CDC42SE2: variants seen among roughly 807,000 people sequenced by gnomAD.
CDC42SE2 encodes the protein CDC42 small effector protein 2.
CDC42SE2 carries 3 observed loss-of-function variants against 11.5 expected under a neutral mutation model. That is an observed-to-expected ratio of 0.26 (90% CI 0.12 to 0.67). The LOEUF (loss-of-function observed/expected upper bound fraction) is 0.67, where lower values mean the gene tolerates loss of function less well. CDC42SE2 is among the 30% of genes least tolerant of loss of function. The probability of loss-of-function intolerance (pLI) is 0.80; values close to 1 mark genes in which losing one functional copy is unlikely to be tolerated. For synonymous variants in CDC42SE2, 33 were observed against 34.8 expected, an observed-to-expected ratio of 0.95 and a Z score of 0.18; for missense variants, 82 against 106.8, an observed-to-expected ratio of 0.77 and a Z score of 1.02.
intron 3 of CDC42SE2, among the ~76,000 whole-genome samples, chr5:131,380,895 C>T (rs1289606081): frequency 1.3e-5 from 2 of 152,212 alleles, no homozygotes; most frequent in African/African-American, 4.8e-5. Context: ...CCTCAGTCCC[C>T]TGCAGCGTGT....
intron 1 of CDC42SE2, among the ~76,000 whole-genome samples, chr5:131,269,043 C>T (rs556829179): frequency 6.6e-6 from 1 of 152,246 alleles, no homozygotes; most frequent in Admixed American, 6.5e-5. Context: ...GCCACCGTGC[C>T]AGGCGAGGAA....
intron 2 of CDC42SE2, among the ~76,000 whole-genome samples, chr5:131,332,345 A>G (rs1758439310): frequency 6.6e-6 from 1 of 152,058 alleles, no homozygotes; most frequent in African/African-American, 2.4e-5. Flanking sequence ...TATGTGCCAC[A>G]TTTTCTTAAT....
At chr5:131,316,968 A>C (rs779180721) in intron 2 of CDC42SE2, among the ~76,000 whole-genome samples, 2 of 152,204 alleles carry the variant, frequency 1.3e-5, no homozygotes, top group Non-Finnish European at 2.9e-5. Flanking sequence ...TACAAGCTTT[A>C]TGAAGTCAAG....
chr5:131,386,107 T>G (rs1406635461), intron 4 of CDC42SE2, among the ~76,000 whole-genome samples: 2 of 152,266 alleles, frequency 1.3e-5, no homozygotes, highest in Non-Finnish European at 2.9e-5. Flanking sequence ...GGGACCAGTT[T>G]CGTGGAAGAC....
chr5:131,295,292 CAAACCAAAACAAA>C lies in CDC42SE2; in HGVS notation c.-454-20671_-454-20659del, dbSNP rs1370739795. 1.3e-4 allele frequency among the ~76,000 whole-genome samples: 20 copies of C among 150,894 alleles called. No individual in the cohort carries two copies. In the East Asian group the frequency reaches 2.9e-3, roughly 22 times the overall value. The stretch of plus-strand genomic sequence containing the variant: ...ATTGAGACTTTGAAAAAAAAAAAAC[CAAACCAAAACAAA>C]AAACCAAAACAACAAAAAAAGATAG... On this transcript the variant is annotated intron_variant, in intron 1 of 4. Coordinates refer to ENST00000505065, the MANE Select transcript of CDC42SE2 (RefSeq NM_001375635.1).
At chr5:131,230,712 G>A in the CDC42SE2 span, among the ~76,000 whole-genome samples, 25 of 152,284 alleles carry the variant, frequency 1.6e-4, no homozygotes, top group African/African-American at 3.6e-4. Context: ...GAAAGAAACC[G>A]AAAACTAAAA....
intron 3 of CDC42SE2, among the ~76,000 whole-genome samples, chr5:131,369,085 A>G (rs551518232): frequency 3.9e-5 from 6 of 152,134 alleles, no homozygotes; most frequent in Non-Finnish European, 8.8e-5. Flanking sequence ...TTTTATGGTA[A>G]TCACTTCCTT....
chr5:131,216,395 G>A, the CDC42SE2 span, among the ~76,000 whole-genome samples: 1 of 151,592 alleles, frequency 6.6e-6, no homozygotes, highest in African/African-American at 2.4e-5. Flanking sequence ...CCAGATACTT[G>A]GGAGGCGGAG....
chr5:131,372,104 A>C (rs1452426349), intron 3 of CDC42SE2, among the ~76,000 whole-genome samples: 1 of 152,220 alleles, frequency 6.6e-6, no homozygotes, highest in Admixed American at 6.5e-5. Context: ...ATGAACAAAT[A>C]CTTATGCATG....
At chr5:131,262,939 G>A (rs1418472474), upstream of CDC42SE2, among the ~76,000 whole-genome samples, 1 of 144,670 alleles carries the variant, frequency 6.9e-6, no homozygotes, top group Non-Finnish European at 1.5e-5. Context: ...AAATAGTAAG[G>A]TAGGAAAGAT....
the CDC42SE2 span, among the ~76,000 whole-genome samples, chr5:131,225,940 A>T: frequency 6.6e-6 from 1 of 152,288 alleles, no homozygotes; most frequent in African/African-American, 2.4e-5. Context: ...TTAAAATAGG[A>T]TCAGGCCGAA....
chr5:131,392,581 C>G lies in CDC42SE2; in HGVS notation c.*1490C>G, dbSNP rs763688707. The G allele has an allele frequency of 1.3e-5, 2 of 152,330 alleles. No individual in the cohort carries two copies. Among genetic ancestry groups the G allele is most frequent in the African/African-American group, 4.8e-5 (2 of 41,518 alleles). 9.4% of individuals were successfully genotyped at this position (152,330 alleles called of 1,614,324 possible). A position where few individuals can be genotyped will look rare whatever the true frequency, so the allele number is the denominator to read the frequency against. On this transcript the variant is annotated 3_prime_UTR_variant, in exon 5 of 5. Coordinates refer to ENST00000505065, the MANE Select transcript of CDC42SE2 (RefSeq NM_001375635.1). ...AGCTTGCATTCATAAGGCATTCATT[C>G]TGTTGTAAATGTTCAATATATTTAT... is the stretch of plus-strand genomic sequence containing the variant.
intron 1 of CDC42SE2, among the ~76,000 whole-genome samples, chr5:131,272,553 C>T (rs1757015635): frequency 1.3e-5 from 2 of 152,102 alleles, no homozygotes; most frequent in South Asian, 4.1e-4. Context: ...CACTCGTGCT[C>T]CTTTCTCCTT....
chr5:131,213,910 C>T, the CDC42SE2 span, among the ~76,000 whole-genome samples: 9 of 152,008 alleles, frequency 5.9e-5, no homozygotes, highest in Admixed American at 2.0e-4. Context: ...TCCCCAATTT[C>T]GACTGAATGC....
intron 1 of CDC42SE2, among the ~76,000 whole-genome samples, chr5:131,287,516 G>T (rs774018268): frequency 6.6e-6 from 1 of 151,082 alleles, no homozygotes; most frequent in Non-Finnish European, 1.5e-5. Context: ...CCAGGCGAGT[G>T]CAGTGGCACG....
At chr5:131,267,525 G>T (rs1756895536) in intron 1 of CDC42SE2, among the ~76,000 whole-genome samples, 1 of 152,174 alleles carries the variant, frequency 6.6e-6, no homozygotes, top group Non-Finnish European at 1.5e-5. Flanking sequence ...ATGTGTGTCT[G>T]TTGGGGAGAG....
intron 2 of CDC42SE2, among the ~76,000 whole-genome samples, chr5:131,352,486 A>T (rs1441531398): frequency 6.6e-6 from 1 of 152,210 alleles, no homozygotes; most frequent in Non-Finnish European, 1.5e-5. Flanking sequence ...AGGAAAGTCT[A>T]ATCTGTAATC....
At position 131,385,423 on chromosome 5, in the gene CDC42SE2, C is replaced by CT. The variant is rs1484080699; in HGVS notation, c.55-119dup. On this transcript the variant is annotated intron_variant, in intron 3 of 4. Coordinates refer to ENST00000505065, the MANE Select transcript of CDC42SE2 (RefSeq NM_001375635.1). ...CATCATAAGAAGTAATTGTGGCAGT[C>CT]TAAGAGCTAGGCATTTTTGTGTTCT... 1.1e-5 allele frequency: 7 copies of CT among 615,290 alleles called. No homozygotes were observed. The African/African-American group carries it at 1.3e-4, about 11-fold the overall frequency. 38.1% of individuals were successfully genotyped at this position (615,290 alleles called of 1,614,324 possible).
At position 131,280,733 on chromosome 5, in the gene CDC42SE2, A is replaced by G. The variant is rs1268535680; in HGVS notation, c.-455+16567A>G. ...TAGGGTAAAATATGAGCCTGTAGAT[A>G]AGTTTATATTTTTTAGTCTGTCCAA... On this transcript the variant is annotated intron_variant, in intron 1 of 4. Coordinates refer to ENST00000505065, the MANE Select transcript of CDC42SE2 (RefSeq NM_001375635.1). 7.2e-5 allele frequency among the ~76,000 whole-genome samples: 11 copies of G among 152,170 alleles called. No individual in the cohort carries two copies. The East Asian group carries it at 2.1e-3, about 29-fold the overall frequency.
Sources: allele counts gnomAD v4.1 joint callset (sites outside exome capture counted in the v4.1 genomes callset), GRCh38; gene constraint gnomAD v4.1.1; transcripts MANE v1.5; gene names NCBI Gene and HGNC (gene_info 2026-07-23, HGNC 2026-07-21).